The following CYP20A1 variants were observed in gnomAD, a reference collection of about 807,000 sequenced individuals.
CYP20A1 encodes the protein cytochrome P450 family 20 subfamily A member 1.
CYP20A1 carries 61 observed loss-of-function variants against 61.4 expected under a neutral mutation model. The ratio of observed to expected loss-of-function variants is 0.99; its 90% CI spans 0.81 to 1.23. The LOEUF (loss-of-function observed/expected upper bound fraction) is 1.23. CYP20A1 is among the 50% of genes most tolerant of loss of function. The pLI is 0.00. For missense variants in CYP20A1, 530 were observed against 542.4 expected (o/e 0.98, Z 0.23); for synonymous variants, 193 against 188.2 (o/e 1.03, Z -0.21).
At chr2:203,273,987 C>T (rs76830501) in intron 6 of CYP20A1, among the ~76,000 whole-genome samples, 1 of 151,950 alleles carries the variant, frequency 6.6e-6, no homozygotes, top group Non-Finnish European at 1.5e-5. Context: ...CTAAAAAATT[C>T]TTGCCATTAT....
At chr2:203,296,409 T>C in intron 11 of CYP20A1, 65 bp from the exon 12 acceptor site, 1 of 946,460 alleles carries the variant, frequency 1.1e-6, no homozygotes. Flanking sequence ...CTTGTGTTCT[T>C]TTAGTGTCAA....
At position 203,242,595 on chromosome 2, in the gene CYP20A1, C is replaced by T. The variant is rs551010523; in HGVS notation, c.73-3251C>T. Among the ~76,000 whole-genome samples the T allele has an allele frequency of 8.5e-5, 13 of 152,062 alleles. No homozygotes were observed. The South Asian group carries it at 2.5e-3, about 29-fold the overall frequency. On this transcript the variant is annotated intron_variant, in intron 1 of 12. Transcript: ENST00000356079. ...TTGAACTCAGGAGTTTGAGACTAGA[C>T]TGAGCATTATAGTAAGACCTTGTCT...
At chr2:203,271,054 G>GTATATATA (rs869253470) in intron 5 of CYP20A1, among the ~76,000 whole-genome samples, 1 of 40,296 alleles carries the variant, frequency 2.5e-5, no homozygotes, top group African/African-American at 8.8e-5. Context: ...ATGTATATGT[G>GTATATATA]TATATATATA....
At position 203,285,662 on chromosome 2, in the gene CYP20A1, A is replaced by C; in HGVS notation, c.901A>C (p.Lys301Gln). 6.2e-7 allele frequency: 1 copy of C among 1,606,702 alleles called. No individual in the cohort carries two copies. Among genetic ancestry groups the C allele is most frequent in the African/African-American group, 1.3e-5 (1 of 74,646 alleles). Residue 301 changes from lysine (K) to glutamine (Q), a missense_variant, in exon 9 of 13, where the codon AAA becomes CAA. Lys to Gln is a moderately conservative substitution (Grantham distance 53). Coordinates refer to ENST00000356079, the MANE Select transcript of CYP20A1 (RefSeq NM_177538.3). ...AACCACCTCTGAAGAAGTTCAAAAAAAATTATATGAAGAGATAAACCAAGT... is the reference window on the plus strand; with the variant it reads ...AACCACCTCTGAAGAAGTTCAAAAACAATTATATGAAGAGATAAACCAAGT... ...FLTTSEEVQK[K>Q]LYEEINQVFG...
intron 4 of CYP20A1, among the ~76,000 whole-genome samples, chr2:203,253,379 C>T (rs539049727): frequency 3.7e-4 from 56 of 152,230 alleles, no homozygotes; most frequent in South Asian, 1.7e-3. Context: ...CCCAGGGCTC[C>T]GGGCTCCATC....
At chr2:203,275,287 T>G (rs895549062) in intron 6 of CYP20A1, among the ~76,000 whole-genome samples, 5 of 152,190 alleles carry the variant, frequency 3.3e-5, no homozygotes, top group African/African-American at 1.2e-4. Flanking sequence ...GAAGCCTGAC[T>G]CCTACCTGTA....
Position 203,304,489 on chromosome 2 carries a change from G to A in CYP20A1, c.*7581G>A, listed in dbSNP as rs1453984641. Among the ~76,000 whole-genome samples the A allele has an allele frequency of 2.0e-5, 3 of 151,978 alleles. No homozygotes were observed. The highest frequency in any genetic ancestry group is 2.9e-5 in the Non-Finnish European group (2 of 67,998). The stretch of plus-strand genomic sequence containing the variant: ...TGGGATTACAGGTGTGAGCCACAGC[G>A]CCCGGCCAAAAAAAGGAATTTTTAA... On this transcript the variant is annotated 3_prime_UTR_variant, in exon 13 of 13. Transcript: ENST00000356079.
intron 5 of CYP20A1, among the ~76,000 whole-genome samples, chr2:203,268,006 C>T (rs1324321184): frequency 6.6e-6 from 1 of 152,040 alleles, no homozygotes; most frequent in Non-Finnish European, 1.5e-5. Flanking sequence ...ACAGTTAATA[C>T]AAGGAACTCC....
At chr2:203,245,381 T>C (rs1381255805) in intron 1 of CYP20A1, among the ~76,000 whole-genome samples, 1 of 149,726 alleles carries the variant, frequency 6.7e-6, no homozygotes, top group Non-Finnish European at 1.5e-5. Flanking sequence ...AGTTCAGGGG[T>C]ACAAGTGCAG....
At chr2:203,278,476 G>T in intron 6 of CYP20A1, 97 bp from the exon 7 acceptor site, 1 of 504,244 alleles carries the variant, frequency 2.0e-6, no homozygotes, top group Non-Finnish European at 3.5e-6. Flanking sequence ...AACTTTGAAG[G>T]TTTTCTTCAT....
chr2:203,281,287 A>T (rs2068031318), intron 8 of CYP20A1, among the ~76,000 whole-genome samples: 1 of 152,114 alleles, frequency 6.6e-6, no homozygotes, highest in Non-Finnish European at 1.5e-5. Context: ...TGGATGAATC[A>T]CTGGAGCCCA....
intron 4 of CYP20A1, among the ~76,000 whole-genome samples, chr2:203,259,390 C>T (rs182018496): frequency 3.6e-4 from 55 of 152,206 alleles, no homozygotes; most frequent in African/African-American, 1.3e-3. Context: ...GAGTGGAGTC[C>T]TCATGGCTTG....
chr2:203,239,104 G>C lies in CYP20A1; in HGVS notation c.42G>C (p.Ala14=). The change falls in exon 1 of 13, where the codon GCG becomes GCC. Residue 14 remains alanine, a synonymous_variant. Transcript: ENST00000356079. ...FAIFAVTFLL[A]LVGAVLYLYP... Reference sequence around the variant, plus strand: ...TCTTCGCCGTTACCTTCTTGCTGGCGTTGGTGGGAGCCGTGCTCTACCTCT... The same window carrying C: ...TCTTCGCCGTTACCTTCTTGCTGGCCTTGGTGGGAGCCGTGCTCTACCTCT... 6.2e-7 allele frequency: 1 copy of C among 1,613,650 alleles called. No individual in the cohort carries two copies. The highest frequency in any genetic ancestry group is 2.2e-5 in the East Asian group (1 of 44,866).
At chr2:203,248,286 C>T (rs1425427005) in intron 3 of CYP20A1, among the ~76,000 whole-genome samples, 1 of 152,130 alleles carries the variant, frequency 6.6e-6, no homozygotes, top group Admixed American at 6.6e-5. Context: ...GGTGTCCCAG[C>T]ACTTTGGGAG....
chr2:203,252,018 G>A lies in CYP20A1; in HGVS notation c.341G>A (p.Gly114Asp), dbSNP rs140546527. 323 of 1,610,622 alleles carry A rather than the reference G, an allele frequency of 2.0e-4. No homozygotes were observed. Among genetic ancestry groups the A allele is most frequent in the Non-Finnish European group, 2.7e-4 (313 of 1,178,382 alleles). Residue 114 changes from glycine to aspartate, a missense_variant, in exon 4 of 13, where the codon GGT becomes GAT. Coordinates refer to ENST00000356079, the MANE Select transcript of CYP20A1 (RefSeq NM_177538.3). ...TCATTATTAAGGTATCAATCTGGTGGTGGCAGTGTGAGTGAAAACCACATG... is the reference window on the plus strand; with the variant it reads ...TCATTATTAAGGTATCAATCTGGTGATGGCAGTGTGAGTGAAAACCACATG... ...LKSLLRYQSG[G>D]GSVSENHMRK...
chr2:203,241,042 T>C (rs1312624443), intron 1 of CYP20A1, among the ~76,000 whole-genome samples: 1 of 152,246 alleles, frequency 6.6e-6, no homozygotes, highest in Admixed American at 6.5e-5. Context: ...GTGGCACAGA[T>C]AATGAGAACT....
At chr2:203,248,638 T>G (rs1280959853) in intron 3 of CYP20A1, among the ~76,000 whole-genome samples, 1 of 152,174 alleles carries the variant, frequency 6.6e-6, no homozygotes, top group Non-Finnish European at 1.5e-5. Context: ...TAGCATTTTA[T>G]GACAAAAGGG....
At chr2:203,268,233 T>C (rs1361157256) in intron 5 of CYP20A1, among the ~76,000 whole-genome samples, 3 of 152,312 alleles carry the variant, frequency 2.0e-5, no homozygotes, top group African/African-American at 7.2e-5. Flanking sequence ...TATTCTCTTA[T>C]GTATTGACAA....
chr2:203,261,605 TAAAAAAAAAAA>T (rs36092540), intron 4 of CYP20A1, among the ~76,000 whole-genome samples: 14 of 74,362 alleles, frequency 1.9e-4, no homozygotes, highest in Non-Finnish European at 2.4e-4. Context: ...CTTTGTCACC[TAAAAAAAAAAA>T]AAAAAAAAAG....
Sources: gnomAD v4.1 joint callset for allele counts (sites outside exome capture counted in the v4.1 genomes callset) on GRCh38, gnomAD v4.1.1 for gene constraint, MANE v1.5 for transcripts, NCBI Gene and HGNC (gene_info 2026-07-23, HGNC 2026-07-21) for gene names.